Variants in MAP3K7CL observed in about 807,000 individuals in gnomAD.
The protein encoded by MAP3K7CL is MAP3K7 C-terminal like, also known as MAP3K7 C-terminal-like protein.
A neutral mutation model predicts 18.6 loss-of-function variants in MAP3K7CL; 16 were observed. The ratio of observed to expected loss-of-function variants is 0.86; its 90% CI spans 0.58 to 1.31. The LOEUF is 1.31. MAP3K7CL is among the 50% of genes most tolerant of loss of function. The pLI is 0.00. For missense variants in MAP3K7CL, 163 were observed against 174.4 expected (o/e 0.93, Z 0.37); for synonymous variants, 65 against 66.8 (o/e 0.97, Z 0.13).
At chr21:29,137,338 C>T (rs2146643626) in intron 2 of MAP3K7CL, among the ~76,000 whole-genome samples, 1 of 152,240 alleles carries the variant, frequency 6.6e-6, no homozygotes, top group Non-Finnish European at 1.5e-5. Flanking sequence ...CAGCAGTCTG[C>T]CAAAGGTGGG....
At chr21:29,135,759 C>G (rs1311304869) in intron 2 of MAP3K7CL, among the ~76,000 whole-genome samples, 2 of 152,176 alleles carry the variant, frequency 1.3e-5, no homozygotes, top group Non-Finnish European at 2.9e-5. Flanking sequence ...TTTCAAATGA[C>G]TCCAGAATGC....
intron 2 of MAP3K7CL, among the ~76,000 whole-genome samples, chr21:29,136,576 G>A (rs8127294): frequency 0.33 from 50,441 of 151,352 alleles, 8,499 homozygotes; most frequent in Non-Finnish European, 0.35. Flanking sequence ...CCAGGCTGGC[G>A]TGCAGTGGTG....
intron 2 of MAP3K7CL, among the ~76,000 whole-genome samples, 199 bp downstream of exon 2, chr21:29,133,613 T>C (rs9636822): frequency 0.2 from 30,091 of 152,078 alleles, 3,182 homozygotes; most frequent in East Asian, 0.4. Context: ...ACCTTGAGTT[T>C]TCGGGTCATT....
intron 3 of MAP3K7CL, among the ~76,000 whole-genome samples, chr21:29,154,704 G>T (rs1463140714): frequency 6.6e-6 from 1 of 152,120 alleles, no homozygotes; most frequent in Non-Finnish European, 1.5e-5. Context: ...CTGCTACACT[G>T]GTCTTTAACA....
At chr21:29,117,598 A>G (rs2146578394) in intron 4 of MAP3K7CL, among the ~76,000 whole-genome samples, 1 of 152,380 alleles carries the variant, frequency 6.6e-6, no homozygotes, top group African/African-American at 2.4e-5. Context: ...TGTCTGCACA[A>G]GTAATTGACA....
At chr21:29,136,187 G>A (rs1165461515) in intron 2 of MAP3K7CL, among the ~76,000 whole-genome samples, 1 of 152,190 alleles carries the variant, frequency 6.6e-6, no homozygotes, top group Non-Finnish European at 1.5e-5. Flanking sequence ...GCATATACAT[G>A]AGGCTGAGTG....
rs575663723 is a variant in MAP3K7CL, at chr21:29,110,947, G to A, written c.370+18366G>A. ...TCTCTCATTGCTGTTTTTGGTCCCT[G>A]TCTTCCATGTAAAAAATGTTCCTTG... On this transcript the variant is annotated intron_variant, in intron 4 of 6. Coordinates refer to the MAP3K7CL transcript ENST00000286791. 2.0e-5 allele frequency among the ~76,000 whole-genome samples: 3 copies of A among 152,176 alleles called. No individual in the cohort carries two copies. In the South Asian group the frequency reaches 6.2e-4, roughly 32 times the overall value.
chr21:29,093,006 C>T (rs1351056069), intron 4 of MAP3K7CL, among the ~76,000 whole-genome samples: 4 of 152,160 alleles, frequency 2.6e-5, no homozygotes, highest in African/African-American at 4.8e-5. Flanking sequence ...TGGGTTCAAG[C>T]GATTCTCCTG....
chr21:29,091,269 C>T (rs940580502), intron 1 of MAP3K7CL, among the ~76,000 whole-genome samples: 5 of 152,248 alleles, frequency 3.3e-5, no homozygotes, highest in Admixed American at 2.6e-4. Context: ...ACTAATTATC[C>T]ACCAATTTGA....
At chr21:29,096,074 A>G (rs957703839) in intron 4 of MAP3K7CL, among the ~76,000 whole-genome samples, 3 of 152,200 alleles carry the variant, frequency 2.0e-5, no homozygotes, top group African/African-American at 7.2e-5. Context: ...CTGGATTAGG[A>G]GTTGAAAGTC....
intron 1 of MAP3K7CL, among the ~76,000 whole-genome samples, chr21:29,090,126 A>AT (rs1421111036): frequency 6.6e-5 from 10 of 152,152 alleles, no homozygotes; most frequent in African/African-American, 2.4e-4. Context: ...ATTCTGCAGT[A>AT]TTTTTTACAG....
intron 4 of MAP3K7CL, among the ~76,000 whole-genome samples, chr21:29,170,825 T>TA (rs2087808669): frequency 6.6e-6 from 1 of 151,756 alleles, no homozygotes; most frequent in Non-Finnish European, 1.5e-5. Flanking sequence ...TTTCGGTAGA[T>TA]ACAGGGTTTC....
chr21:29,134,765 T>C (rs796466711), intron 2 of MAP3K7CL, among the ~76,000 whole-genome samples: 4 of 151,916 alleles, frequency 2.6e-5, no homozygotes, highest in African/African-American at 9.6e-5. Context: ...AAGACAACCA[T>C]GCAGCCGGGC....
intron 4 of MAP3K7CL, among the ~76,000 whole-genome samples, chr21:29,105,993 C>T (rs2086314608): frequency 6.6e-6 from 1 of 152,088 alleles, no homozygotes; most frequent in South Asian, 2.1e-4. Context: ...CTTTTCTTCA[C>T]AAAATTGAGA....
chr21:29,131,817 G>GTA (rs55952827), intron 1 of MAP3K7CL, among the ~76,000 whole-genome samples: 83 of 151,966 alleles, frequency 5.5e-4, no homozygotes, highest in Middle Eastern at 3.4e-3. Context: ...AAATATACAT[G>GTA]TATATATATA....
At chr21:29,104,269 T>C (rs769886617) in intron 4 of MAP3K7CL, among the ~76,000 whole-genome samples, 19 of 151,676 alleles carry the variant, frequency 1.3e-4, no homozygotes, top group Non-Finnish European at 2.4e-4. Flanking sequence ...TTTCTCGGGG[T>C]TTTTTCTGTT....
chr21:29,162,240 G>A (rs995309430), intron 4 of MAP3K7CL, among the ~76,000 whole-genome samples: 1 of 151,410 alleles, frequency 6.6e-6, no homozygotes, highest in African/African-American at 2.4e-5. Context: ...CAGTAATTAT[G>A]TCTCTATTTA....
At chr21:29,083,508 C>A (rs2085871486), upstream of MAP3K7CL, among the ~76,000 whole-genome samples, 2 of 152,134 alleles carry the variant, frequency 1.3e-5, no homozygotes, top group Non-Finnish European at 2.9e-5. Context: ...CATTTCATTG[C>A]ATGGTATCCT....
At chr21:29,136,852 G>C (rs1346168257) in intron 2 of MAP3K7CL, among the ~76,000 whole-genome samples, 2 of 152,168 alleles carry the variant, frequency 1.3e-5, no homozygotes, top group East Asian at 3.9e-4. Context: ...GCCTAGCCTA[G>C]TGCTCATTTC....
Sources: gnomAD v4.1 joint callset for allele counts (sites outside exome capture counted in the v4.1 genomes callset) on GRCh38, gnomAD v4.1.1 for gene constraint, MANE v1.5 for transcripts, NCBI Gene and HGNC (gene_info 2026-07-23, HGNC 2026-07-21) for gene names.